BAIAP2: variants seen among roughly 807,000 people sequenced by gnomAD.
The protein encoded by BAIAP2 is BAR/IMD domain containing adaptor protein 2, also known as BAR/IMD domain-containing adapter protein 2.
A neutral mutation model predicts 63.0 loss-of-function variants in BAIAP2; 18 were observed. That is an observed-to-expected ratio of 0.29 (90% CI 0.20 to 0.42). The LOEUF is 0.42. Among genes scored for constraint, BAIAP2 ranks in the 10% least tolerant of loss-of-function variants. BAIAP2 has a pLI of 1.00. For synonymous variants in BAIAP2, 386 were observed against 307.6 expected (o/e 1.25, Z -2.67); for missense variants, 610 against 734.3 (o/e 0.83, Z 1.96).
At chr17:81,075,008 C>T (rs988806925) in intron 3 of BAIAP2, among the ~76,000 whole-genome samples, 15 of 152,252 alleles carry the variant, frequency 9.9e-5, no homozygotes, top group Admixed American at 7.2e-4. Flanking sequence ...ATGGGCTTGG[C>T]AAAGCCATGA....
Position 81,074,707 on chromosome 17 carries a change from C to T in BAIAP2, c.218-10125C>T, listed in dbSNP as rs531623460. Reference sequence around the variant, plus strand: ...GCCTGTGTGTGTGCATGCACGGATGCGTGTCTGTGCGTCTGTGTGCGTGCA... The same window carrying T: ...GCCTGTGTGTGTGCATGCACGGATGTGTGTCTGTGCGTCTGTGTGCGTGCA... On this transcript the variant is annotated intron_variant, in intron 3 of 13. Transcript: ENST00000428708. Among the ~76,000 whole-genome samples, 17 of 137,716 alleles carry T rather than the reference C, an allele frequency of 1.2e-4. No homozygotes were observed. In the South Asian group the frequency reaches 1.4e-3, roughly 12 times the overall value. 90.3% of individuals were successfully genotyped at this position (137,716 alleles called of 152,430 possible).
At chr17:81,053,592 C>T (rs2049010982) in intron 1 of BAIAP2, 76 bp from the exon 2 acceptor site, 14 of 1,535,960 alleles carry the variant, frequency 9.1e-6, no homozygotes, top group Middle Eastern at 1.7e-4. Flanking sequence ...TGGGTTTTCT[C>T]CTCTGTGTTC....
chr17:81,102,171 G>T (rs552113872), intron 7 of BAIAP2, among the ~76,000 whole-genome samples: 2 of 128,884 alleles, frequency 1.6e-5, no homozygotes, highest in East Asian at 4.2e-4. Context: ...ACGAGCCTCT[G>T]GGCTGGGGGC....
Position 81,046,806 on chromosome 17 carries a change from T to G in BAIAP2, c.55-6862T>G, listed in dbSNP as rs1270859767. On this transcript the variant is annotated intron_variant, in intron 1 of 13. Transcript: ENST00000428708. The surrounding 1 kb of genome is among the most constrained non-coding windows in gnomAD (Gnocchi z 4.5). ...GTGCGCCCTTCCCTGGAGCCTGGCA[T>G]CCTAGGCAGAGTCCCGTCAAGTCTA... Among the ~76,000 whole-genome samples the G allele has an allele frequency of 6.6e-6, 1 of 152,098 alleles. No homozygotes were observed. The highest frequency in any genetic ancestry group is 2.4e-5 in the African/African-American group (1 of 41,398).
At chr17:81,077,757 C>T (rs2053905755) in intron 3 of BAIAP2, among the ~76,000 whole-genome samples, 1 of 151,660 alleles carries the variant, frequency 6.6e-6, no homozygotes, top group African/African-American at 2.4e-5. Flanking sequence ...GGTGCGGGTG[C>T]AGGTGTGGGT....
At chr17:81,066,385 T>C (rs1373459625) in intron 3 of BAIAP2, among the ~76,000 whole-genome samples, 1 of 152,232 alleles carries the variant, frequency 6.6e-6, no homozygotes, top group Non-Finnish European at 1.5e-5. Context: ...TTTTGGTCAC[T>C]GAGTCACTGA....
chr17:81,083,543 C>G (rs1006081122), intron 3 of BAIAP2: 2 of 152,186 alleles, frequency 1.3e-5, no homozygotes, highest in Admixed American at 1.3e-4. Flanking sequence ...GTGGGTCTCT[C>G]GTACCAACTC....
chr17:81,044,106 G>A (rs1294006226), intron 1 of BAIAP2, among the ~76,000 whole-genome samples: 1 of 152,188 alleles, frequency 6.6e-6, no homozygotes, highest in Non-Finnish European at 1.5e-5. Context: ...CAGCCCCCGG[G>A]CTGGCACCTC....
At chr17:81,093,822 A>G (rs930513740) in intron 6 of BAIAP2, among the ~76,000 whole-genome samples, 2 of 152,216 alleles carry the variant, frequency 1.3e-5, no homozygotes, top group African/African-American at 2.4e-5. Context: ...CAGAGAAGAT[A>G]ATAGCAGGGC....
chr17:81,102,925 C>G (rs959053581), intron 7 of BAIAP2, among the ~76,000 whole-genome samples: 9 of 152,254 alleles, frequency 5.9e-5, no homozygotes, highest in Non-Finnish European at 2.9e-5. Context: ...GTCCCAGAAC[C>G]TTTCTCCATG....
At chr17:81,114,138 T>G (rs2060242902) in intron 13 of BAIAP2, among the ~76,000 whole-genome samples, 1 of 97,026 alleles carries the variant, frequency 1.0e-5, no homozygotes, top group South Asian at 3.3e-4. Flanking sequence ...CCTGCCTAAT[T>G]TTTTTTTTTT....
chr17:81,103,020 G>T (rs1252389568), intron 7 of BAIAP2, among the ~76,000 whole-genome samples: 1 of 152,244 alleles, frequency 6.6e-6, no homozygotes, highest in Non-Finnish European at 1.5e-5. Context: ...GGGAGCGCGG[G>T]CTCTTGGGCC....
chr17:81,073,800 G>A (rs780496794), intron 3 of BAIAP2, among the ~76,000 whole-genome samples: 5 of 152,242 alleles, frequency 3.3e-5, no homozygotes, highest in Non-Finnish European at 5.9e-5. Context: ...AAGCCGAAGT[G>A]TGAGGGGCTC....
chr17:81,098,063 A>G, intron 6 of BAIAP2: 2 of 1,251,480 alleles, frequency 1.6e-6, no homozygotes, highest in Non-Finnish European at 2.0e-6. Context: ...GACCTCAGGC[A>G]CATGATCCCC....
At position 81,116,175 on chromosome 17, in the gene BAIAP2, A is replaced by AGCCTGGCT; in HGVS notation, c.*340_*347dup. 1 of 1,605,448 alleles carries AGCCTGGCT rather than the reference A, an allele frequency of 6.2e-7. No individual in the cohort carries two copies. The highest frequency in any genetic ancestry group is 8.5e-7 in the Non-Finnish European group (1 of 1,175,374). On this transcript the variant is annotated 3_prime_UTR_variant, in exon 14 of 14. Coordinates refer to ENST00000428708, the MANE Select transcript of BAIAP2 (RefSeq NM_001144888.2). Reference sequence around the variant, plus strand: ...TTGGCCAGCTGGTGGCTGGGAGGGGAGCCTGGCTGCCCTGCTGCTTCTCCT... The same window carrying AGCCTGGCT: ...TTGGCCAGCTGGTGGCTGGGAGGGGAGCCTGGCTGCCTGGCTGCCCTGCTGCTTCTCCT...
At chr17:81,110,546 G>C (rs1245846339) in intron 13 of BAIAP2, 1 of 1,138,364 alleles carries the variant, frequency 8.8e-7, no homozygotes, top group Non-Finnish European at 1.1e-6. Context: ...CCGGTTCCCG[G>C]CGTGCGTCTT....
At chr17:81,082,277 C>G (rs2054758245) in intron 3 of BAIAP2, among the ~76,000 whole-genome samples, 1 of 152,234 alleles carries the variant, frequency 6.6e-6, no homozygotes, top group African/African-American at 2.4e-5. Flanking sequence ...TGCGTGCCCA[C>G]TCACATAGGT....
chr17:81,109,118 C>T (rs1434691409), intron 13 of BAIAP2: 49 of 1,460,578 alleles, frequency 3.4e-5, no homozygotes, highest in Non-Finnish European at 4.3e-5. Context: ...TTTCCACCTG[C>T]CCCATGCCTT....
At chr17:81,088,658 A>G (rs553792049) in intron 6 of BAIAP2, among the ~76,000 whole-genome samples, 16 of 152,146 alleles carry the variant, frequency 1.1e-4, no homozygotes, top group Non-Finnish European at 1.5e-4. Flanking sequence ...CTTAAAGCTC[A>G]TCGTGCCGTA....
Sources: gnomAD v4.1 joint callset for allele counts (sites outside exome capture counted in the v4.1 genomes callset) on GRCh38, gnomAD v4.1.1 for gene constraint, Gnocchi (gnomAD v3.1) non-coding constraint, MANE v1.5 for transcripts, NCBI Gene and HGNC (gene_info 2026-07-23, HGNC 2026-07-21) for gene names.